The following GPC5 variants were observed in gnomAD, a reference collection of about 807,000 sequenced individuals.
The protein encoded by GPC5 is glypican-5.
In GPC5, 47 loss-of-function variants were observed where a neutral mutation model predicts 53.9. That is an observed-to-expected ratio of 0.87 (90% confidence interval 0.69 to 1.11). The LOEUF is 1.11. Ranked by LOEUF, GPC5 falls within the 50% of genes most tolerant of loss-of-function variation. GPC5 has a pLI of 0.00. For synonymous variants in GPC5, 286 were observed against 263.3 expected (o/e 1.09, Z -0.84); for missense variants, 748 against 713.1 (o/e 1.05, Z -0.56).
chr13:92,710,386 T>C (rs1388426011), intron 7 of GPC5, among the ~76,000 whole-genome samples: 1 of 152,088 alleles, frequency 6.6e-6, no homozygotes, highest in Non-Finnish European at 1.5e-5. Flanking sequence ...TTTAGAGGAA[T>C]GGAAATAAAA....
At chr13:92,201,386 A>G (rs1291241258) in intron 7 of GPC5, among the ~76,000 whole-genome samples, 2 of 152,200 alleles carry the variant, frequency 1.3e-5, no homozygotes, top group African/African-American at 2.4e-5. Flanking sequence ...ATTGATGTGC[A>G]TGGTTGATAC....
chr13:91,947,923 G>C (rs1257075076), intron 6 of GPC5, among the ~76,000 whole-genome samples: 1 of 152,066 alleles, frequency 6.6e-6, no homozygotes, highest in Non-Finnish European at 1.5e-5. Flanking sequence ...AGGCCGAGGC[G>C]GGTGGATCAC....
rs1491168569 is a variant in GPC5 at position 92,347,924 on chromosome 13, T to TATATAATA, written c.1561+202935_1561+202936insATATAATA. On this transcript the variant is annotated intron_variant, in intron 7 of 7. Coordinates refer to ENST00000377067, the MANE Select transcript of GPC5 (RefSeq NM_004466.6). The stretch of plus-strand genomic sequence containing the variant: ...ATAATATATATATAATATATATATA[T>TATATAATA]TATATATACATCTTATATGTAAACC... 3.5e-3 allele frequency among the ~76,000 whole-genome samples: 13 copies of TATATAATA among 3,696 alleles called. 1 individual carries two copies. Among genetic ancestry groups the TATATAATA allele is most frequent in the African/African-American group, 6.3e-3 (3 of 474 alleles). 2.4% of individuals were successfully genotyped at this position (3,696 alleles called of 152,430 possible). A position where few individuals can be genotyped will look rare whatever the true frequency, so the allele number is the denominator to read the frequency against.
chr13:91,674,540 C>T (rs1365411288), intron 2 of GPC5, among the ~76,000 whole-genome samples: 4 of 118,328 alleles, frequency 3.4e-5, no homozygotes, highest in South Asian at 2.6e-4. Context: ...TGTATATATA[C>T]GCATATATAT....
At chr13:92,217,058 C>T (rs992114472) in intron 7 of GPC5, among the ~76,000 whole-genome samples, 1 of 151,960 alleles carries the variant, frequency 6.6e-6, no homozygotes, top group Non-Finnish European at 1.5e-5. Context: ...GCGCCCAGTC[C>T]CTCTGACCCT....
At chr13:92,588,331 G>A (rs1217068540) in intron 7 of GPC5, among the ~76,000 whole-genome samples, 25 of 152,108 alleles carry the variant, frequency 1.6e-4, no homozygotes, top group Admixed American at 1.6e-3. Context: ...ATCATTGATG[G>A]GATACCCAAA....
At chr13:92,221,016 G>A (rs2042444650) in intron 7 of GPC5, among the ~76,000 whole-genome samples, 1 of 152,222 alleles carries the variant, frequency 6.6e-6, no homozygotes, top group East Asian at 1.9e-4. Context: ...ATGTACCTCA[G>A]TTCAGAGCGT....
At chr13:91,761,426 A>G (rs1021268417) in intron 5 of GPC5, among the ~76,000 whole-genome samples, 4 of 151,920 alleles carry the variant, frequency 2.6e-5, no homozygotes, top group Non-Finnish European at 5.9e-5. Context: ...ATTCAATTCC[A>G]ACACTATCTA....
intron 2 of GPC5, among the ~76,000 whole-genome samples, chr13:91,571,946 C>CGTGTGTGTGT (rs1566516313): frequency 8.9e-6 from 1 of 112,466 alleles, no homozygotes; most frequent in African/African-American, 3.5e-5. Context: ...CATGTATATA[C>CGTGTGTGTGT]ATATACACAC....
At chr13:92,861,729 T>C (rs1475404267) in intron 7 of GPC5, among the ~76,000 whole-genome samples, 1 of 152,160 alleles carries the variant, frequency 6.6e-6, no homozygotes, top group Non-Finnish European at 1.5e-5. Flanking sequence ...TCAAAACTAT[T>C]AATTTTCTTT....
At chr13:92,770,955 G>A (rs1239481388) in intron 7 of GPC5, among the ~76,000 whole-genome samples, 1 of 152,064 alleles carries the variant, frequency 6.6e-6, no homozygotes. Flanking sequence ...AGAAGTGGTA[G>A]TTCTATTTCC....
chr13:92,221,003 G>A (rs77535836), intron 7 of GPC5, among the ~76,000 whole-genome samples: 3,531 of 152,172 alleles, frequency 0.023, 137 homozygotes, highest in African/African-American at 0.079. Flanking sequence ...TGTTTGGGGA[G>A]GGATGTACCT....
rs1234929250 is a variant in GPC5 at position 92,448,901 on chromosome 13, T to C, written c.1561+303912T>C. On this transcript the variant is annotated intron_variant, in intron 7 of 7. Coordinates refer to ENST00000377067, the MANE Select transcript of GPC5 (RefSeq NM_004466.6). ...TTCATTAAAGAAGCCCACACAGTTATACCCCACAAAAAGCTAATGCTATTG... is the reference window on the plus strand; with the variant it reads ...TTCATTAAAGAAGCCCACACAGTTACACCCCACAAAAAGCTAATGCTATTG... 5.7e-5 allele frequency: 3 copies of C among 52,330 alleles called. 1 individual carries two copies. Among genetic ancestry groups the C allele is most frequent in the African/African-American group, 2.6e-4 (3 of 11,468 alleles). The allele number at this position is 52,330 out of a possible 1,614,324, so 3.2% of individuals were successfully genotyped here. A position where few individuals can be genotyped will look rare whatever the true frequency, so the allele number is the denominator to read the frequency against.
intron 6 of GPC5, among the ~76,000 whole-genome samples, chr13:92,135,472 A>G (rs947107367): frequency 3.9e-5 from 6 of 152,194 alleles, no homozygotes; most frequent in Admixed American, 2.0e-4. Context: ...CAAATTCATA[A>G]TAAACCTACC....
At chr13:92,201,511 C>T (rs965794091) in intron 7 of GPC5, among the ~76,000 whole-genome samples, 1 of 152,182 alleles carries the variant, frequency 6.6e-6, no homozygotes, top group Non-Finnish European at 1.5e-5. Flanking sequence ...TAGAACACAG[C>T]AGTGATGCAT....
chr13:92,261,127 CAT>C (rs1028233230), intron 7 of GPC5, among the ~76,000 whole-genome samples: 3 of 152,074 alleles, frequency 2.0e-5, no homozygotes, highest in African/African-American at 4.8e-5. Context: ...CATTAAATTA[CAT>C]ATGTTTGAAA....
chr13:92,865,475 G>A (rs1484354036), intron 7 of GPC5, among the ~76,000 whole-genome samples: 2 of 152,168 alleles, frequency 1.3e-5, no homozygotes, highest in Non-Finnish European at 2.9e-5. Flanking sequence ...AAAGGGGAAA[G>A]TAAAAGGGTG....
chr13:91,517,177 AG>A (rs1885550954), intron 2 of GPC5, among the ~76,000 whole-genome samples: 1 of 152,184 alleles, frequency 6.6e-6, no homozygotes, highest in African/African-American at 2.4e-5. Context: ...ATTTCTCCCC[AG>A]AAAATGGGTT....
Position 92,365,768 on chromosome 13 carries a change from C to T in GPC5, c.1561+220779C>T, listed in dbSNP as rs556802081. Among the ~76,000 whole-genome samples, 24 of 151,264 alleles carry T rather than the reference C, an allele frequency of 1.6e-4. 1 individual carries two copies. The highest frequency in any genetic ancestry group is 4.6e-4 in the Admixed American group (7 of 15,234). Reference sequence around the variant, plus strand: ...CATCAATACCGCTTTCTTCCACCTTCACATCTTGTCCTACTGTGGGGTCTT... The same window carrying T: ...CATCAATACCGCTTTCTTCCACCTTTACATCTTGTCCTACTGTGGGGTCTT... On this transcript the variant is annotated intron_variant, in intron 7 of 7. Coordinates refer to ENST00000377067, the MANE Select transcript of GPC5 (RefSeq NM_004466.6).
Sources: gnomAD v4.1 joint callset for allele counts (sites outside exome capture counted in the v4.1 genomes callset) on GRCh38, gnomAD v4.1.1 for gene constraint, MANE v1.5 for transcripts, NCBI Gene and HGNC (gene_info 2026-07-23, HGNC 2026-07-21) for gene names.